USP4: variants seen among roughly 807,000 people sequenced by gnomAD.
The protein encoded by USP4 is ubiquitin carboxyl-terminal hydrolase 4.
In USP4, 72 loss-of-function variants were observed where a neutral mutation model predicts 118.2. The observed-to-expected ratio is 0.61, with a 90% CI of 0.50 to 0.74. USP4 has a LOEUF of 0.74. USP4 is among the 30% of genes least tolerant of loss of function. The pLI is 0.00. For synonymous variants in USP4, 415 were observed against 440.4 expected (o/e 0.94, Z 0.72); for missense variants, 1,037 against 1,185.7 (o/e 0.87, Z 1.84).
intron 3 of USP4, 29 bp downstream of exon 3, chr3:49,327,657 C>T (rs775996968): frequency 1.2e-6 from 2 of 1,612,988 alleles, no homozygotes; most frequent in South Asian, 1.1e-5. Context: ...AGACAGTGAC[C>T]AGCAGGTGGG....
At chr3:49,285,812 A>G (rs2047085383) in intron 16 of USP4, among the ~76,000 whole-genome samples, 1 of 152,184 alleles carries the variant, frequency 6.6e-6, no homozygotes. Context: ...TGTTGCTGCC[A>G]AGGGTGGCCA....
chr3:49,310,656 G>A lies in USP4; in HGVS notation c.918C>T (p.Asn306=). 6.2e-7 allele frequency: 1 copy of A among 1,614,116 alleles called. No individual in the cohort carries two copies. Among genetic ancestry groups the A allele is most frequent in the Non-Finnish European group, 8.5e-7 (1 of 1,180,018 alleles). The change falls in exon 8 of 22, where the codon AAC becomes AAT. Residue 306 remains asparagine, a synonymous_variant. Transcript: ENST00000265560. ...AGTTCATGAAGCAGGTGTTTCCCAG[G>A]TTTCCAAGTCCACAGAGCCCAGGTT... ...HIQPGLCGLG[N]LGNTCFMNSA... is the part of the protein sequence containing the mutation.
At chr3:49,304,580 C>T (rs187445666) in intron 9 of USP4, among the ~76,000 whole-genome samples, 130 of 152,202 alleles carry the variant, frequency 8.5e-4, no homozygotes, top group Non-Finnish European at 1.6e-3. Flanking sequence ...TCAGATGATA[C>T]TAGAAATTAA....
rs752318215 is a variant in USP4, at chr3:49,325,711, C to T, written c.487+8G>A. 6 of 1,612,976 alleles carry T rather than the reference C, an allele frequency of 3.7e-6. No individual in the cohort carries two copies. Among genetic ancestry groups the T allele is most frequent in the Non-Finnish European group, 5.1e-6 (6 of 1,179,486 alleles). On this transcript the variant is annotated splice_region_variant and intron_variant, in intron 4 of 21. Transcript: ENST00000265560. ...CCACATACCAGGGACCCCAGCCCAG[C>T]CTCTCACCAATGGTGTCTGCCTTGC...
intron 2 of USP4, among the ~76,000 whole-genome samples, chr3:49,330,924 A>G (rs2047610672): frequency 6.6e-6 from 1 of 151,640 alleles, no homozygotes; most frequent in South Asian, 2.1e-4. Flanking sequence ...AGGCTGAGGC[A>G]GGAGAATCGT....
intron 6 of USP4, among the ~76,000 whole-genome samples, chr3:49,323,826 CTTT>C (rs1228416383): frequency 6.6e-6 from 1 of 152,130 alleles, no homozygotes; most frequent in Non-Finnish European, 1.5e-5. Context: ...TTAATCACTT[CTTT>C]ATCTCCCTAA....
chr3:49,335,396 A>C, intron 2 of USP4, 73 bp downstream of exon 2: 1 of 1,598,306 alleles, frequency 6.3e-7, no homozygotes, highest in Non-Finnish European at 8.6e-7. Flanking sequence ...CACAACGTCC[A>C]TGTTACAGAT....
intron 14 of USP4, 68 bp downstream of exon 14, chr3:49,294,339 G>C (rs974687358): frequency 6.6e-7 from 1 of 1,510,324 alleles, no homozygotes; most frequent in South Asian, 1.3e-5. Context: ...CTTGGCAGGA[G>C]TTGCCACTAC....
chr3:49,322,469 T>C lies in USP4; in HGVS notation c.695+2233A>G, dbSNP rs373830951. On this transcript the variant is annotated intron_variant, in intron 6 of 21. Coordinates refer to ENST00000265560, the MANE Select transcript of USP4 (RefSeq NM_003363.4). ...GGTTATATGCCTAACAACAGGATTG[T>C]TGAGTAGCAGAATGTGCATATAATT... 3.2e-4 allele frequency among the ~76,000 whole-genome samples: 48 copies of C among 152,350 alleles called. No individual in the cohort carries two copies. The South Asian group carries it at 9.5e-3, about 30-fold the overall frequency.
rs753143553 is a variant in USP4, at chr3:49,284,928, G to C, written c.2201-9C>G. ...GGCCAGTGTAGATCGAGCTGAGGAG[G>C]ACCAAAATGTCACTTGTTATGGAAT... is the stretch of plus-strand genomic sequence containing the variant. On this transcript the variant is annotated splice_polypyrimidine_tract_variant and intron_variant, in intron 16 of 21. Coordinates refer to ENST00000265560, the MANE Select transcript of USP4 (RefSeq NM_003363.4). The C allele has an allele frequency of 1.3e-6, 2 of 1,506,404 alleles. No individual in the cohort carries two copies. The highest frequency in any genetic ancestry group is 2.4e-5 in the South Asian group (2 of 84,614). 93.3% of individuals were successfully genotyped at this position (1,506,404 alleles called of 1,614,324 possible).
At chr3:49,322,861 A>C (rs979922967) in intron 6 of USP4, among the ~76,000 whole-genome samples, 2 of 145,090 alleles carry the variant, frequency 1.4e-5, no homozygotes, top group Non-Finnish European at 3.1e-5. Flanking sequence ...CGTCACAGGG[A>C]AAAAAAAAAA....
At chr3:49,304,784 G>A (rs2047295576) in intron 9 of USP4, among the ~76,000 whole-genome samples, 1 of 151,376 alleles carries the variant, frequency 6.6e-6, no homozygotes, top group Non-Finnish European at 1.5e-5. Flanking sequence ...TTGTTGTTGA[G>A]ACAGAGTCTC....
intron 11 of USP4, among the ~76,000 whole-genome samples, chr3:49,299,247 G>A (rs549045700): frequency 2.6e-5 from 4 of 151,590 alleles, no homozygotes; most frequent in South Asian, 4.2e-4. Flanking sequence ...GCACCACCAC[G>A]CCTGGATAAT....
chr3:49,339,456 C>G (rs1361501199), intron 1 of USP4, among the ~76,000 whole-genome samples: 1 of 152,212 alleles, frequency 6.6e-6, no homozygotes, highest in Non-Finnish European at 1.5e-5. Context: ...ATTTGTTCAG[C>G]TTCTGACCTT....
In USP4 at chr3:49,280,733, T is replaced by C; in HGVS notation, c.2644+11A>G. ...TCAACATCTCAGAAGGAAGCAGATG[T>C]CAATACTTACAGTGGCCAACCCCCA... On this transcript the variant is annotated intron_variant, in intron 20 of 21. Coordinates refer to ENST00000265560, the MANE Select transcript of USP4 (RefSeq NM_003363.4). The C allele has an allele frequency of 6.2e-7, 1 of 1,610,642 alleles. No homozygotes were observed. The highest frequency in any genetic ancestry group is 8.5e-7 in the Non-Finnish European group (1 of 1,176,908).
chr3:49,297,105 C>T (rs1575605769), intron 13 of USP4, among the ~76,000 whole-genome samples: 1 of 152,192 alleles, frequency 6.6e-6, no homozygotes, highest in Non-Finnish European at 1.5e-5. Flanking sequence ...AAAACCAAAA[C>T]AAAATCCTAA....
At chr3:49,309,981 C>G (rs1343525295) in intron 8 of USP4, among the ~76,000 whole-genome samples, 2 of 60,292 alleles carry the variant, frequency 3.3e-5, no homozygotes, top group Non-Finnish European at 6.0e-5. Flanking sequence ...CAGAGTCTCA[C>G]TCTGTTGCCC....
At chr3:49,283,816 T>C (rs948862850) in intron 19 of USP4, among the ~76,000 whole-genome samples, 171 bp downstream of exon 19, 1 of 152,080 alleles carries the variant, frequency 6.6e-6, no homozygotes, top group African/African-American at 2.4e-5. Context: ...TCCCCAAAGA[T>C]GGGAGGATAG....
At chr3:49,332,118 C>CA (rs1055893960) in intron 2 of USP4, among the ~76,000 whole-genome samples, 9 of 150,620 alleles carry the variant, frequency 6.0e-5, no homozygotes, top group African/African-American at 2.0e-4. Context: ...ACTAAAAATA[C>CA]AAAAAAAAAT....
Sources: gnomAD v4.1 joint callset for allele counts (sites outside exome capture counted in the v4.1 genomes callset) on GRCh38, gnomAD v4.1.1 for gene constraint, MANE v1.5 for transcripts, NCBI Gene and HGNC (gene_info 2026-07-23, HGNC 2026-07-21) for gene names.